The following LGR5 variants were observed in gnomAD, a reference collection of about 807,000 sequenced individuals.
LGR5 encodes the protein leucine-rich repeat-containing G protein-coupled receptor 5.
LGR5 carries 54 observed loss-of-function variants against 76.7 expected under a neutral mutation model. The ratio of observed to expected loss-of-function variants is 0.70; its 90% CI spans 0.57 to 0.88. The LOEUF (loss-of-function observed/expected upper bound fraction) is 0.88, where lower values mean the gene tolerates loss of function less well. Ranked by LOEUF, LGR5 falls within the 40% of genes least tolerant of loss-of-function variation. The pLI, the probability that LGR5 is intolerant of heterozygous loss-of-function variation, is 0.00. For missense variants in LGR5, 1,078 were observed against 1,073.3 expected, an observed-to-expected ratio of 1.00 and a Z score of -0.06; for synonymous variants, 406 against 421.9, an observed-to-expected ratio of 0.96 and a Z score of 0.46.
intron 4 of LGR5, among the ~76,000 whole-genome samples, chr12:71,536,795 G>T (rs58224144): frequency 0.042 from 6,374 of 152,292 alleles, 147 homozygotes; most frequent in South Asian, 0.069. Context: ...CACTGGAACT[G>T]GTGGTGCCTG....
intron 15 of LGR5, among the ~76,000 whole-genome samples, chr12:71,579,256 G>A (rs930070990): frequency 6.6e-6 from 1 of 152,104 alleles, no homozygotes; most frequent in African/African-American, 2.4e-5. Context: ...TTCTACTCTT[G>A]TTTACAATTT....
chr12:71,563,848 C>CTG (rs1360533723), intron 8 of LGR5, among the ~76,000 whole-genome samples: 20 of 150,142 alleles, frequency 1.3e-4, no homozygotes, highest in African/African-American at 5.0e-4. Context: ...CATACCTGCC[C>CTG]AGTGTGTGTG....
At chr12:71,515,143 CTTACTA>C (rs1223238847) in intron 2 of LGR5, among the ~76,000 whole-genome samples, 2 of 152,202 alleles carry the variant, frequency 1.3e-5, no homozygotes. Flanking sequence ...CAAATTACAT[CTTACTA>C]TAAGTTTCAT....
chr12:71,449,574 C>G (rs757699507), intron 1 of LGR5, among the ~76,000 whole-genome samples: 1 of 152,110 alleles, frequency 6.6e-6, no homozygotes, highest in Non-Finnish European at 1.5e-5. Flanking sequence ...GCTGGCCTTC[C>G]AGGAAAACAT....
intron 1 of LGR5, among the ~76,000 whole-genome samples, chr12:71,497,287 C>A (rs547072530): frequency 1.3e-5 from 2 of 151,040 alleles, no homozygotes; most frequent in Non-Finnish European, 2.9e-5. Flanking sequence ...TGCACTCCAG[C>A]CTGGGTGACA....
intron 2 of LGR5, 141 bp downstream of exon 2, chr12:71,504,826 T>G: frequency 1.3e-6 from 1 of 754,520 alleles, no homozygotes; most frequent in Non-Finnish European, 2.4e-6. Context: ...GAGGAAACAC[T>G]TAGTTGGGAG....
chr12:71,506,312 C>A (rs1874854987), intron 2 of LGR5, among the ~76,000 whole-genome samples: 2 of 152,036 alleles, frequency 1.3e-5, no homozygotes, highest in African/African-American at 4.8e-5. Flanking sequence ...TCTCCCTCAA[C>A]ACACACCTCA....
chr12:71,508,752 C>CAAAA (rs35401076), intron 2 of LGR5, among the ~76,000 whole-genome samples: 19 of 28,120 alleles, frequency 6.8e-4, no homozygotes, highest in African/African-American at 1.6e-3. Flanking sequence ...GACTCAGTCT[C>CAAAA]AAAAAAAAAA....
chr12:71,523,749 A>G (rs949151313), intron 2 of LGR5, among the ~76,000 whole-genome samples: 3 of 152,238 alleles, frequency 2.0e-5, no homozygotes, highest in African/African-American at 7.2e-5. Context: ...GAAAAATATT[A>G]TAAAGTAAAC....
intron 2 of LGR5, among the ~76,000 whole-genome samples, chr12:71,518,891 G>C (rs1266729315): frequency 3.3e-5 from 5 of 152,156 alleles, no homozygotes; most frequent in Non-Finnish European, 5.9e-5. Flanking sequence ...TACTAGGCTT[G>C]ATACCTGGGT....
In LGR5 at chr12:71,582,535, C is replaced by G. The variant is rs1403513397; in HGVS notation, c.1632C>G (p.Ser544=). 1.2e-6 allele frequency: 2 copies of G among 1,611,118 alleles called. No individual in the cohort carries two copies. Among genetic ancestry groups the G allele is most frequent in the Non-Finnish European group, 1.7e-6 (2 of 1,177,268 alleles). ...KALHSVQCSP[S]PGPFKPCEHL... is the part of the protein sequence containing the mutation. ...TTCATTCAGTGCAGTGTTCACCTTC[C>G]CCAGGTGAGAAAGGCATCAAAAATT... The change falls in exon 17 of 18, where the codon TCC becomes TCG. Residue 544 remains serine, a synonymous_variant. Transcript: ENST00000266674.
intron 8 of LGR5, among the ~76,000 whole-genome samples, chr12:71,564,993 A>G (rs1486965617): frequency 1.4e-5 from 2 of 143,462 alleles, no homozygotes; most frequent in Non-Finnish European, 3.0e-5. Flanking sequence ...GTATATATAT[A>G]TACGTACATG....
chr12:71,531,260 C>T (rs1876293928), intron 3 of LGR5, among the ~76,000 whole-genome samples: 1 of 152,126 alleles, frequency 6.6e-6, no homozygotes, highest in African/African-American at 2.4e-5. Context: ...CAAAAGAAAT[C>T]AGCAGCCATG....
rs12227584 is a variant in LGR5 at position 71,543,942 on chromosome 12, T to C, written c.428+8756T>C. On this transcript the variant is annotated intron_variant, in intron 4 of 17. Transcript: ENST00000266674. Reference sequence around the variant, plus strand: ...GCCCCTGATAGAAAAAGGGTCTTCGTTTTCTATGAAGAAAAATAAAACTGA... The same window carrying C: ...GCCCCTGATAGAAAAAGGGTCTTCGCTTTCTATGAAGAAAAATAAAACTGA... Among the ~76,000 whole-genome samples the C allele has an allele frequency of 3.8e-3, 573 of 152,284 alleles. 22 individuals carry two copies. In the East Asian group the frequency reaches 0.095, roughly 25 times the overall value.
chr12:71,485,904 T>C (rs1873803360), intron 1 of LGR5, among the ~76,000 whole-genome samples: 1 of 151,976 alleles, frequency 6.6e-6, no homozygotes, highest in Non-Finnish European at 1.5e-5. Flanking sequence ...TAGCTGGGAT[T>C]ACAGGTGTCC....
intron 1 of LGR5, among the ~76,000 whole-genome samples, chr12:71,480,600 G>A (rs1021023116): frequency 6.6e-6 from 1 of 152,068 alleles, no homozygotes; most frequent in Non-Finnish European, 1.5e-5. Flanking sequence ...TACTTCTTGT[G>A]TCAATCCGAA....
intron 3 of LGR5, among the ~76,000 whole-genome samples, chr12:71,527,167 A>G (rs528330142): frequency 8.5e-4 from 130 of 152,300 alleles, no homozygotes; most frequent in Non-Finnish European, 9.6e-4. Flanking sequence ...TTCAAGAGGA[A>G]CAAGATCCTG....
intron 4 of LGR5, among the ~76,000 whole-genome samples, chr12:71,543,819 A>T (rs974399940): frequency 3.3e-5 from 5 of 152,230 alleles, no homozygotes; most frequent in Admixed American, 3.3e-4. Context: ...ATGAAGATAA[A>T]TGGAAAGAAC....
At chr12:71,468,779 C>CA (rs1440165692) in intron 1 of LGR5, among the ~76,000 whole-genome samples, 2 of 142,908 alleles carry the variant, frequency 1.4e-5, no homozygotes, top group South Asian at 2.3e-4. Flanking sequence ...TTTTTTCCCA[C>CA]ATCTTTGCTA....
Sources: gnomAD v4.1 joint callset for allele counts (sites outside exome capture counted in the v4.1 genomes callset) on GRCh38, gnomAD v4.1.1 for gene constraint, MANE v1.5 for transcripts, NCBI Gene and HGNC (gene_info 2026-07-23, HGNC 2026-07-21) for gene names.